The following MYO9A variants were observed in gnomAD, a reference collection of about 807,000 sequenced individuals.
The protein encoded by MYO9A is unconventional myosin-IXa.
Under a neutral mutation model 293.3 loss-of-function variants are expected in MYO9A, and 103 were observed. That is an observed-to-expected ratio of 0.35 (90% CI 0.30 to 0.41). MYO9A has a LOEUF of 0.41. MYO9A is among the 10% of genes least tolerant of loss of function. The pLI is 1.00. For synonymous variants in MYO9A, 1,001 were observed against 1,035.7 expected (o/e 0.97, Z 0.64); for missense variants, 2,685 against 3,033.0 (o/e 0.89, Z 2.69).
At chr15:72,087,332 C>T (rs1200425974) in intron 1 of MYO9A, among the ~76,000 whole-genome samples, 1 of 152,224 alleles carries the variant, frequency 6.6e-6, no homozygotes, top group Non-Finnish European at 1.5e-5. Context: ...CCTGGCCATG[C>T]TCCACTATAG....
chr15:72,112,043 C>A (rs372726148), intron 1 of MYO9A, among the ~76,000 whole-genome samples: 4 of 152,164 alleles, frequency 2.6e-5, no homozygotes, highest in African/African-American at 9.6e-5. Context: ...GTTTGAGAAT[C>A]CATATTCTCT....
intron 1 of MYO9A, among the ~76,000 whole-genome samples, chr15:72,090,469 G>C (rs182255942): frequency 6.6e-6 from 1 of 152,106 alleles, no homozygotes; most frequent in Non-Finnish European, 1.5e-5. Context: ...CATCCTATCA[G>C]CCTAACAACC....
intron 1 of MYO9A, among the ~76,000 whole-genome samples, chr15:72,101,166 G>A (rs2080294067): frequency 7.0e-6 from 1 of 143,002 alleles, no homozygotes; most frequent in Non-Finnish European, 1.5e-5. Flanking sequence ...GAGGTGAGGG[G>A]TGCCTCTGCC....
intron 18 of MYO9A, among the ~76,000 whole-genome samples, chr15:71,931,500 T>A (rs1377967158): frequency 6.6e-6 from 1 of 152,168 alleles, no homozygotes; most frequent in Non-Finnish European, 1.5e-5. Context: ...ATGTTGCTTT[T>A]TCATTGTTGC....
intron 18 of MYO9A, among the ~76,000 whole-genome samples, chr15:71,921,393 A>G (rs543341423): frequency 4.6e-5 from 7 of 152,330 alleles, no homozygotes; most frequent in African/African-American, 1.4e-4. Flanking sequence ...TTTGATGGAA[A>G]GGCTCCCTGT....
intron 6 of MYO9A, among the ~76,000 whole-genome samples, chr15:72,016,431 C>T (rs1433480621): frequency 6.6e-6 from 1 of 152,200 alleles, no homozygotes; most frequent in Non-Finnish European, 1.5e-5. Context: ...AGGGCAACAA[C>T]AGGTACCTTG....
At position 71,822,403 on chromosome 15, in the gene MYO9A, A is replaced by G. The variant is rs940474873; in HGVS notation, c.*4177T>C. The G allele has an allele frequency of 6.6e-6, 1 of 152,146 alleles. No homozygotes were observed. Among genetic ancestry groups the G allele is most frequent in the African/African-American group, 2.4e-5 (1 of 41,420 alleles). The allele number at this position is 152,146 out of a possible 1,614,324, so 9.4% of individuals were successfully genotyped here. The stretch of plus-strand genomic sequence containing the variant: ...GTGACACAAACTGCACTTTATACAG[A>G]TGGTATCTTGTTACCCCTCAACCCC... On this transcript the variant is annotated 3_prime_UTR_variant, in exon 42 of 42. Transcript: ENST00000356056.
chr15:71,838,814 G>A (rs1466311492), intron 39 of MYO9A, among the ~76,000 whole-genome samples: 1 of 152,144 alleles, frequency 6.6e-6, no homozygotes, highest in Non-Finnish European at 1.5e-5. Flanking sequence ...CTTATAGAGA[G>A]CTAACTATTC....
At chr15:71,963,484 T>C (rs2075794667) in intron 13 of MYO9A, among the ~76,000 whole-genome samples, 1 of 152,252 alleles carries the variant, frequency 6.6e-6, no homozygotes, top group South Asian at 2.1e-4. Flanking sequence ...GTTTCGCTCT[T>C]GTTGCTCAGG....
At chr15:72,074,953 T>C (rs2079302412) in intron 1 of MYO9A, among the ~76,000 whole-genome samples, 1 of 32,296 alleles carries the variant, frequency 3.1e-5, no homozygotes, top group Admixed American at 4.1e-4. Flanking sequence ...TTCACTGCCT[T>C]TTTTTTTTTT....
At chr15:72,046,728 C>A (rs963328183) in intron 1 of MYO9A, 94 bp from the exon 2 acceptor site, 2 of 752,536 alleles carry the variant, frequency 2.7e-6, no homozygotes, top group South Asian at 3.1e-5. Flanking sequence ...TTGATTACAT[C>A]TTCTAAAACA....
intron 1 of MYO9A, among the ~76,000 whole-genome samples, chr15:72,077,750 AAAATATAT>A (rs1228650283): frequency 0.019 from 873 of 45,732 alleles, 1 homozygote; most frequent in Admixed American, 0.027. Flanking sequence ...AAAAAAAAAA[AAAATATAT>A]ATATATATAT....
At chr15:71,954,339 T>C (rs2146693247) in intron 14 of MYO9A, among the ~76,000 whole-genome samples, 1 of 152,208 alleles carries the variant, frequency 6.6e-6, no homozygotes, top group East Asian at 1.9e-4. Flanking sequence ...TAGCTGGAAC[T>C]ACAGGCGCCA....
At chr15:71,873,329 AATCT>A (rs1286534146) in intron 32 of MYO9A, among the ~76,000 whole-genome samples, 4 of 152,076 alleles carry the variant, frequency 2.6e-5, no homozygotes, top group Non-Finnish European at 4.4e-5. Context: ...ATCATTTCCC[AATCT>A]ATTTAGGTTG....
At chr15:71,856,050 C>T (rs1031172816) in intron 34 of MYO9A, among the ~76,000 whole-genome samples, 7 of 152,136 alleles carry the variant, frequency 4.6e-5, no homozygotes, top group African/African-American at 1.7e-4. Flanking sequence ...GTGGCTCACA[C>T]CTGTAATCCC....
chr15:71,883,839 C>T, intron 27 of MYO9A, 103 bp from the exon 28 acceptor site: 9 of 1,010,122 alleles, frequency 8.9e-6, no homozygotes, highest in Non-Finnish European at 1.2e-5. Flanking sequence ...TATATTAGCT[C>T]ATTTAAGCTT....
chr15:71,880,223 T>C (rs2056831374), intron 29 of MYO9A, 112 bp downstream of exon 29: 17 of 915,688 alleles, frequency 1.9e-5, no homozygotes, highest in Non-Finnish European at 2.5e-5. Flanking sequence ...GAACAGATCA[T>C]CTAAAGCATG....
intron 1 of MYO9A, among the ~76,000 whole-genome samples, chr15:72,065,110 T>C (rs1208252446): frequency 6.6e-6 from 1 of 152,238 alleles, no homozygotes; most frequent in Non-Finnish European, 1.5e-5. Context: ...TCAATGGTGC[T>C]GCACCAACTG....
intron 2 of MYO9A, 130 bp from the exon 3 acceptor site, chr15:72,032,718 T>C (rs1330515073): frequency 1.9e-6 from 1 of 529,476 alleles, no homozygotes; most frequent in East Asian, 3.2e-5. Context: ...GACAATTTGC[T>C]TGTATGTTCA....
Sources: allele counts gnomAD v4.1 joint callset (sites outside exome capture counted in the v4.1 genomes callset), GRCh38; gene constraint gnomAD v4.1.1; transcripts MANE v1.5; gene names NCBI Gene and HGNC (gene_info 2026-07-23, HGNC 2026-07-21).